NRXN1: variants seen among roughly 807,000 people sequenced by gnomAD.
NRXN1 encodes neurexin 1.
In NRXN1, 39 loss-of-function variants were observed where a neutral mutation model predicts 150.9. The ratio of observed to expected loss-of-function variants is 0.26; its 90% CI spans 0.20 to 0.34. The LOEUF is 0.34. Among genes scored for constraint, NRXN1 ranks in the 10% least tolerant of loss-of-function variants. The pLI is 1.00. For missense variants in NRXN1, 1,815 were observed against 1,949.9 expected, an observed-to-expected ratio of 0.93 and a Z score of 1.30; for synonymous variants, 924 against 757.0, an observed-to-expected ratio of 1.22 and a Z score of -3.62.
Position 50,358,871 on chromosome 2 carries a change from C to T in NRXN1, c.3364+106571G>A, listed in dbSNP as rs1368346342. The stretch of plus-strand genomic sequence containing the variant: ...TGGCAGGTGTCCCACTGGGACGAAG[C>T]TTCCAGAGGTGGAAGCAAGCAGCAA... On this transcript the variant is annotated intron_variant, in intron 17 of 22. Coordinates refer to ENST00000401669, the MANE Select transcript of NRXN1 (RefSeq NM_001330078.2). Among the ~76,000 whole-genome samples, 5 of 152,360 alleles carry T rather than the reference C, an allele frequency of 3.3e-5. No homozygotes were observed. The East Asian group carries it at 9.7e-4, about 29-fold the overall frequency.
intron 17 of NRXN1, among the ~76,000 whole-genome samples, chr2:50,244,399 T>C (rs2066313612): frequency 6.6e-6 from 1 of 151,894 alleles, no homozygotes; most frequent in Non-Finnish European, 1.5e-5. Flanking sequence ...ATTGGTGTCG[T>C]ATAAAACTAT....
chr2:50,546,037 G>A (rs2093485866), intron 9 of NRXN1, among the ~76,000 whole-genome samples: 1 of 152,018 alleles, frequency 6.6e-6, no homozygotes, highest in Admixed American at 6.6e-5. Context: ...ATAGTTGATT[G>A]AATCCACAGA....
At chr2:51,029,425 T>C (rs1671130264) in intron 1 of NRXN1, among the ~76,000 whole-genome samples, 4 of 152,228 alleles carry the variant, frequency 2.6e-5, no homozygotes, top group Non-Finnish European at 5.9e-5. Flanking sequence ...TTATAACTGT[T>C]AGTTGGTAAC....
rs115239405 is a variant in NRXN1 at position 50,164,993 on chromosome 2, C to T, written c.3546+71796G>A. On this transcript the variant is annotated intron_variant, in intron 18 of 22. Transcript: ENST00000401669. ...ATACATGAGGAGAGAGAGGTGTCTA[C>T]TCCTCACCTGGAGGTTTCTGAAAGC... Among the ~76,000 whole-genome samples the T allele has an allele frequency of 2.9e-3, 438 of 152,244 alleles. 2 individuals are homozygous for T. The highest frequency in any genetic ancestry group is 0.01 in the African/African-American group (425 of 41,538).
intron 8 of NRXN1, among the ~76,000 whole-genome samples, chr2:50,568,939 C>T (rs1275162627): frequency 6.6e-6 from 1 of 152,004 alleles, no homozygotes; most frequent in Non-Finnish European, 1.5e-5. Context: ...AGTATATATA[C>T]ACAATGAATA....
intron 2 of NRXN1, among the ~76,000 whole-genome samples, chr2:50,989,796 GA>G (rs1369721686): frequency 6.6e-6 from 1 of 151,984 alleles, no homozygotes; most frequent in African/African-American, 2.4e-5. Context: ...TGGATGTAGA[GA>G]AAAGGACTTA....
chr2:50,332,604 C>A (rs1287589676), intron 17 of NRXN1, among the ~76,000 whole-genome samples: 3 of 152,224 alleles, frequency 2.0e-5, no homozygotes, highest in African/African-American at 7.2e-5. Context: ...CAAAGTGAGA[C>A]TCTCTTTGTA....
intron 21 of NRXN1, among the ~76,000 whole-genome samples, chr2:50,002,210 T>C (rs1684069628): frequency 6.6e-6 from 1 of 152,120 alleles, no homozygotes. Context: ...ATGTGTTGTC[T>C]AGAGCTTGTA....
At chr2:50,367,489 G>C (rs2079669851) in intron 17 of NRXN1, among the ~76,000 whole-genome samples, 1 of 151,794 alleles carries the variant, frequency 6.6e-6, no homozygotes, top group Middle Eastern at 3.2e-3. Context: ...AATATTTATT[G>C]AGCACTTACT....
chr2:50,589,415 CAGGTGGA>C (rs766104829), intron 8 of NRXN1: 2 of 152,240 alleles, frequency 1.3e-5, no homozygotes, highest in Non-Finnish European at 2.9e-5. Flanking sequence ...CAGCCCGTTC[CAGGTGGA>C]CATGGCTCAC....
At chr2:50,925,808 T>C (rs929741834) in intron 3 of NRXN1, 130 bp downstream of exon 3, 1 of 722,716 alleles carries the variant, frequency 1.4e-6, no homozygotes, top group Non-Finnish European at 2.4e-6. Flanking sequence ...TGAAAAGTGA[T>C]ACACAATCCA....
chr2:50,198,830 C>T (rs1364401649), intron 18 of NRXN1, among the ~76,000 whole-genome samples: 1 of 152,028 alleles, frequency 6.6e-6, no homozygotes, highest in Admixed American at 6.6e-5. Flanking sequence ...CTGAAGAACC[C>T]CCTTGGGTGA....
At chr2:50,826,984 C>A (rs1670539411) in intron 5 of NRXN1, among the ~76,000 whole-genome samples, 1 of 152,128 alleles carries the variant, frequency 6.6e-6, no homozygotes, top group South Asian at 2.1e-4. Flanking sequence ...GCAAGAAAGG[C>A]CAAGAAGAGC....
At chr2:50,026,859 C>CTTTCTTTTTTTT (rs1688381537) in intron 21 of NRXN1, among the ~76,000 whole-genome samples, 6 of 65,234 alleles carry the variant, frequency 9.2e-5, no homozygotes, top group Non-Finnish European at 1.6e-4. Context: ...CTTTTCTTTT[C>CTTTCTTTTTTTT]TTTTTTTTTT....
chr2:50,909,232 A>G (rs1684187758), intron 5 of NRXN1, among the ~76,000 whole-genome samples: 1 of 151,902 alleles, frequency 6.6e-6, no homozygotes, highest in Non-Finnish European at 1.5e-5. Flanking sequence ...ATAAAGAAAA[A>G]CTTTTTAATA....
chr2:50,362,985 T>C (rs2079329211), intron 17 of NRXN1, among the ~76,000 whole-genome samples: 1 of 152,132 alleles, frequency 6.6e-6, no homozygotes, highest in Admixed American at 6.6e-5. Context: ...AAACAAGCAA[T>C]GGGGAAAGGA....
At chr2:50,323,462 G>A (rs968364394) in intron 17 of NRXN1, among the ~76,000 whole-genome samples, 3 of 151,894 alleles carry the variant, frequency 2.0e-5, no homozygotes, top group African/African-American at 7.3e-5. Context: ...GCATGTTCTA[G>A]GCACTCAATA....
intron 2 of NRXN1, among the ~76,000 whole-genome samples, chr2:50,926,639 A>C (rs1349480603): frequency 6.6e-6 from 1 of 151,918 alleles, no homozygotes; most frequent in Admixed American, 6.6e-5. Flanking sequence ...AGAGAAGTCC[A>C]CTGGGAACTG....
intron 18 of NRXN1, among the ~76,000 whole-genome samples, chr2:50,101,694 C>T (rs1247889898): frequency 1.3e-5 from 2 of 151,942 alleles, no homozygotes; most frequent in African/African-American, 4.8e-5. Context: ...TTCAGTGCTT[C>T]CATTGATATA....
Sources: allele counts gnomAD v4.1 joint callset (sites outside exome capture counted in the v4.1 genomes callset), GRCh38; gene constraint gnomAD v4.1.1; transcripts MANE v1.5; gene names NCBI Gene and HGNC (gene_info 2026-07-23, HGNC 2026-07-21).